IL1RAPL1: variants seen among roughly 807,000 people sequenced by gnomAD.
IL1RAPL1 encodes the protein interleukin-1 receptor accessory protein-like 1.
In IL1RAPL1, 3 loss-of-function variants were observed where a neutral mutation model predicts 48.4. That is an observed-to-expected ratio of 0.06 (90% CI 0.03 to 0.16). IL1RAPL1 has a LOEUF of 0.16. IL1RAPL1 is among the 10% of genes least tolerant of loss of function. The pLI, the probability that IL1RAPL1 is intolerant of heterozygous loss-of-function variation, is 1.00. For synonymous variants in IL1RAPL1, 185 were observed against 187.7 expected (o/e 0.99, Z 0.12); for missense variants, 349 against 530.6 (o/e 0.66, Z 3.36).
intron 2 of IL1RAPL1, among the ~76,000 whole-genome samples, chrX:29,243,575 C>T (rs1013853728): frequency 3.6e-5 from 4 of 112,347 alleles, no homozygotes; most frequent in Non-Finnish European, 5.6e-5. Flanking sequence ...CCTTAACCAA[C>T]ACCTACATTC....
intron 2 of IL1RAPL1, among the ~76,000 whole-genome samples, chrX:28,957,360 C>G (rs1924642445): frequency 9.0e-6 from 1 of 111,489 alleles, no homozygotes; most frequent in South Asian, 3.7e-4. Flanking sequence ...TTATTTCCCA[C>G]CTTTCATTTT....
chrX:29,749,875 G>A (rs1928419521), intron 6 of IL1RAPL1, among the ~76,000 whole-genome samples: 1 of 111,977 alleles, frequency 8.9e-6, no homozygotes, highest in Non-Finnish European at 1.9e-5. Flanking sequence ...GGGGTATGTG[G>A]AATCTTCTAA....
At chrX:28,853,731 A>G (rs1051208810) in intron 2 of IL1RAPL1, among the ~76,000 whole-genome samples, 2 of 111,857 alleles carry the variant, frequency 1.8e-5, no homozygotes, top group Non-Finnish European at 3.8e-5. Flanking sequence ...TCACTTATCA[A>G]CTACCTACAG....
intron 6 of IL1RAPL1, among the ~76,000 whole-genome samples, chrX:29,810,437 C>A (rs758862329): frequency 9.0e-6 from 1 of 111,253 alleles, no homozygotes; most frequent in Non-Finnish European, 1.9e-5. Context: ...GATCCATCAC[C>A]TCGGCCTCCC....
At chrX:29,362,814 C>G (rs1475832161) in intron 3 of IL1RAPL1, among the ~76,000 whole-genome samples, 1 of 112,094 alleles carries the variant, frequency 8.9e-6, no homozygotes, top group Non-Finnish European at 1.9e-5. Flanking sequence ...GCCAGATAGA[C>G]TATATTGTGT....
At chrX:29,725,069 T>C (rs1337530068) in intron 6 of IL1RAPL1, among the ~76,000 whole-genome samples, 1 of 110,759 alleles carries the variant, frequency 9.0e-6, no homozygotes, top group Non-Finnish European at 1.9e-5. Flanking sequence ...ATTATATATA[T>C]GTACTGGAGA....
intron 5 of IL1RAPL1, among the ~76,000 whole-genome samples, chrX:29,592,978 T>C (rs193130360): frequency 8.9e-6 from 1 of 112,366 alleles, no homozygotes; most frequent in East Asian, 2.8e-4. Context: ...TCTTTCAAGG[T>C]CTCTGGAGGA....
intron 3 of IL1RAPL1, among the ~76,000 whole-genome samples, chrX:29,364,998 T>C (rs1320715458): frequency 1.8e-5 from 2 of 112,207 alleles, no homozygotes; most frequent in Non-Finnish European, 3.8e-5. Flanking sequence ...TTATACAATC[T>C]ACGTTGAAGA....
At chrX:29,613,754 TGTGTTTC>T (rs1924174023) in intron 5 of IL1RAPL1, among the ~76,000 whole-genome samples, 2 of 94,636 alleles carry the variant, frequency 2.1e-5, no homozygotes, top group Non-Finnish European at 2.1e-5. Flanking sequence ...TGTGTGTGTG[TGTGTTTC>T]TTTTTTTTTT....
chrX:29,417,993 A>T (rs958157603), intron 5 of IL1RAPL1, among the ~76,000 whole-genome samples: 1 of 105,977 alleles, frequency 9.4e-6, no homozygotes, highest in African/African-American at 3.4e-5. Flanking sequence ...ACCTATGATT[A>T]TAAAGCACAC....
intron 1 of IL1RAPL1, among the ~76,000 whole-genome samples, chrX:28,781,218 G>A (rs376996378): frequency 1.8e-5 from 2 of 110,297 alleles, no homozygotes; most frequent in African/African-American, 6.6e-5. Context: ...ATGTCATCTG[G>A]GTCTTAGGTC....
chrX:29,143,158 A>G (rs1400422711), intron 2 of IL1RAPL1, among the ~76,000 whole-genome samples: 2 of 111,765 alleles, frequency 1.8e-5, no homozygotes, highest in African/African-American at 6.5e-5. Flanking sequence ...AAGGTGCTGT[A>G]TGAGACGGAA....
intron 1 of IL1RAPL1, among the ~76,000 whole-genome samples, chrX:28,724,531 G>A (rs1286919522): frequency 1.8e-5 from 2 of 110,855 alleles, no homozygotes; most frequent in Admixed American, 9.7e-5. Flanking sequence ...CACACTGATG[G>A]GTCTTGACTC....
At chrX:29,630,780 C>T (rs1924751351) in intron 5 of IL1RAPL1, among the ~76,000 whole-genome samples, 1 of 111,942 alleles carries the variant, frequency 8.9e-6, no homozygotes, top group Non-Finnish European at 1.9e-5. Flanking sequence ...CCTCGTGATC[C>T]GCCCACCTCG....
intron 1 of IL1RAPL1, among the ~76,000 whole-genome samples, chrX:28,596,703 A>G (rs1933959420): frequency 8.9e-6 from 1 of 112,068 alleles, no homozygotes; most frequent in Non-Finnish European, 1.9e-5. Flanking sequence ...AAGATTACTT[A>G]TACCTAATAC....
chrX:28,780,972 G>T (rs1331998504), intron 1 of IL1RAPL1, among the ~76,000 whole-genome samples: 1 of 110,869 alleles, frequency 9.0e-6, no homozygotes, highest in Non-Finnish European at 1.9e-5. Flanking sequence ...CTCTACAATT[G>T]TTACTAGTCC....
chrX:29,148,699 G>C (rs1929398378), intron 2 of IL1RAPL1, among the ~76,000 whole-genome samples: 1 of 111,792 alleles, frequency 8.9e-6, no homozygotes. Context: ...GCCTGAGCCA[G>C]CTGAAATCTT....
At chrX:29,360,849 C>G (rs1933366544) in intron 3 of IL1RAPL1, among the ~76,000 whole-genome samples, 1 of 111,859 alleles carries the variant, frequency 8.9e-6, no homozygotes, top group Admixed American at 9.5e-5. Flanking sequence ...ATTTGTACAT[C>G]AAATGATCTT....
chrX:29,398,765 C>A (rs775689431), intron 4 of IL1RAPL1, among the ~76,000 whole-genome samples: 1 of 111,887 alleles, frequency 8.9e-6, no homozygotes. Flanking sequence ...GTTGATTTCA[C>A]AATAATGAAA....
Sources: gnomAD v4.1 joint callset for allele counts (sites outside exome capture counted in the v4.1 genomes callset) on GRCh38, gnomAD v4.1.1 for gene constraint, MANE v1.5 for transcripts, NCBI Gene and HGNC (gene_info 2026-07-23, HGNC 2026-07-21) for gene names.